Variants in NYNRIN observed in about 807,000 individuals in gnomAD.
The protein encoded by NYNRIN is NYN domain and retroviral integrase containing.
In NYNRIN, 86 loss-of-function variants were observed where a neutral mutation model predicts 146.6. The observed-to-expected ratio is 0.59, with a 90% CI of 0.49 to 0.70. The LOEUF (loss-of-function observed/expected upper bound fraction) is 0.70, where lower values mean the gene tolerates loss of function less well. Among genes scored for constraint, NYNRIN ranks in the 30% least tolerant of loss-of-function variants. The pLI is 0.00. For missense variants in NYNRIN, 2,191 were observed against 2,377.7 expected (o/e 0.92, Z 1.63); for synonymous variants, 1,027 against 1,001.3 (o/e 1.03, Z -0.48).
chr14:24,418,096 CA>C lies in NYNRIN; in HGVS notation c.*651del, dbSNP rs201911127. ...CAGTGTCTTGGAGTGGGAGGATGGC[CA>C]GCCACAAGCCACCAGCTTGTCAGCA... On this transcript the variant is annotated 3_prime_UTR_variant, in exon 9 of 9. Coordinates refer to ENST00000382554, the MANE Select transcript of NYNRIN (RefSeq NM_025081.3). The C allele has an allele frequency of 0.11, 40,309 of 364,734 alleles. 2,510 individuals are homozygous for C. Among genetic ancestry groups the C allele is most frequent in the Non-Finnish European group, 0.13 (24,463 of 184,284 alleles). 22.6% of individuals were successfully genotyped at this position (364,734 alleles called of 1,614,324 possible).
At chr14:24,399,538 C>T in intron 2 of NYNRIN, 94 bp downstream of exon 2, 1 of 1,125,878 alleles carries the variant, frequency 8.9e-7, no homozygotes, top group East Asian at 2.6e-5. Flanking sequence ...AGACACCACC[C>T]ACCCTGCCCC....
intron 2 of NYNRIN, among the ~76,000 whole-genome samples, chr14:24,399,909 T>A (rs1371005305): frequency 6.6e-6 from 1 of 152,154 alleles, no homozygotes; most frequent in Non-Finnish European, 1.5e-5. Context: ...GGCTGCCCCT[T>A]GGAGCCTCTG....
chr14:24,402,690 A>G (rs2042852147), intron 2 of NYNRIN, among the ~76,000 whole-genome samples: 1 of 152,196 alleles, frequency 6.6e-6, no homozygotes, highest in Non-Finnish European at 1.5e-5. Context: ...TATGCCACAG[A>G]AATTGGCAAA....
chr14:24,401,952 A>T (rs994857349), intron 2 of NYNRIN, among the ~76,000 whole-genome samples: 3 of 152,206 alleles, frequency 2.0e-5, no homozygotes, highest in Non-Finnish European at 2.9e-5. Context: ...GGGACACAGA[A>T]TCATGCACTT....
At position 24,409,739 on chromosome 14, in the gene NYNRIN, C is replaced by T; in HGVS notation, c.1945C>T (p.Pro649Ser). ...CAAAACACCCAAAGCTCAAGCCGGG[C>T]CTGCAGCTACAGTTTCCAAAGCACC... Reference protein sequence around the residue: ...GPKTPKAQAGPAATVSKAPAA... With the variant: ...GPKTPKAQAGSAATVSKAPAA... Residue 649 changes from proline to serine, a missense_variant, in exon 4 of 9, where the codon CCT becomes TCT. Pro to Ser is a moderately conservative substitution (Grantham distance 74, BLOSUM62 -1). Around this residue, in one of 3 missense-constraint regions of NYNRIN, gnomAD observed 895 missense variants for 941.2 expected, o/e 0.95. Transcript: ENST00000382554. 6.2e-7 allele frequency: 1 copy of T among 1,604,950 alleles called. No individual in the cohort carries two copies. The highest frequency in any genetic ancestry group is 8.5e-7 in the Non-Finnish European group (1 of 1,177,652).
chr14:24,406,983 T>TG (rs2042878811), intron 2 of NYNRIN, among the ~76,000 whole-genome samples: 1 of 152,236 alleles, frequency 6.6e-6, no homozygotes, highest in South Asian at 2.1e-4. Context: ...ATTGTGTGTA[T>TG]GTGCGGGTGC....
Position 24,409,646 on chromosome 14 carries a change from G to T in NYNRIN, c.1852G>T (p.Glu618Ter), listed in dbSNP as rs1372964984. 6 of 1,606,886 alleles carry T rather than the reference G, an allele frequency of 3.7e-6. No homozygotes were observed. The highest frequency in any genetic ancestry group is 5.1e-6 in the Non-Finnish European group (6 of 1,176,664). The stretch of plus-strand genomic sequence containing the variant: ...TCAACCAGTGTTGGTAGCTCAAGTG[G>T]AACCCACAACTCCAAAAACTCCCCA... ...VNQPVLVAQV[E>*]PTTPKTPQAQ... The change falls in exon 4 of 9, where the codon GAA becomes TAA. Residue 618 changes from glutamate (E) to a stop codon, truncating the protein, a stop_gained. Transcript: ENST00000382554. LOFTEE classifies it high-confidence loss of function.
rs1248551237 is a variant in NYNRIN at position 24,414,912 on chromosome 14, G to A, written c.3163G>A (p.Asp1055Asn). The A allele has an allele frequency of 1.9e-6, 3 of 1,603,614 alleles. No individual in the cohort carries two copies. The South Asian group carries it at 3.3e-5, about 18-fold the overall frequency. ...HDPPDGALDI[D>N]LLPGAASPYL... is the part of the protein sequence containing the mutation. The stretch of plus-strand genomic sequence containing the variant: ...TCCCCCTGATGGGGCCCTGGACATC[G>A]ACCTCCTGCCAGGGGCAGCTTCTCC... Residue 1055 changes from aspartate (D) to asparagine (N), a missense_variant, in exon 9 of 9, where the codon GAC becomes AAC. Asp to Asn is a conservative substitution (Grantham distance 23). This residue lies in a region of NYNRIN where 1,291 missense variants were observed against 1,417.0 expected (regional missense o/e 0.91). Transcript: ENST00000382554.
At position 24,408,110 on chromosome 14, in the gene NYNRIN, C is replaced by T. The variant is rs1287476104; in HGVS notation, c.440C>T (p.Pro147Leu). The change falls in exon 3 of 9, where the codon CCT becomes CTT. Residue 147 changes from proline (P) to leucine (L), a missense_variant. Transcript: ENST00000382554. ...LVGRLRWGPA[P>L]LLTPRGIWEA... Reference sequence around the variant, plus strand: ...GGGCGACTGCGCTGGGGCCCTGCCCCTCTGCTGACCCCCCGGGGGATCTGG... The same window carrying T: ...GGGCGACTGCGCTGGGGCCCTGCCCTTCTGCTGACCCCCCGGGGGATCTGG... 1 of 1,611,850 alleles carries T rather than the reference C, an allele frequency of 6.2e-7. No individual in the cohort carries two copies. Among genetic ancestry groups the T allele is most frequent in the African/African-American group, 1.3e-5 (1 of 75,054 alleles).
Position 24,413,354 on chromosome 14 carries a change from T to G in NYNRIN, c.2783T>G (p.Val928Gly). Residue 928 changes from valine to glycine, a missense_variant, in exon 8 of 9, where the codon GTG becomes GGG. By Grantham distance (109) the Val-to-Gly change is moderately radical (BLOSUM62 -3). Around this residue, in one of 3 missense-constraint regions of NYNRIN, gnomAD observed 1,291 missense variants for 1,417.0 expected, o/e 0.91. Coordinates refer to ENST00000382554, the MANE Select transcript of NYNRIN (RefSeq NM_025081.3). The stretch of plus-strand genomic sequence containing the variant: ...ACCTTTGCGGGGAATCTCTTCATGG[T>G]GCCTGATGACCCCCTGGGCCGTGAT... ...PFTFAGNLFMVPDDPLGRDGP... is the reference protein window; with the variant it reads ...PFTFAGNLFMGPDDPLGRDGP... 6.2e-7 allele frequency: 1 copy of G among 1,613,602 alleles called. No homozygotes were observed.
intron 2 of NYNRIN, among the ~76,000 whole-genome samples, chr14:24,406,712 G>T (rs1328237156): frequency 6.6e-6 from 1 of 152,210 alleles, no homozygotes; most frequent in Non-Finnish European, 1.5e-5. Context: ...ACTGCCAGGG[G>T]AAAGCAGGAA....
Position 24,418,016 on chromosome 14 carries a change from G to A in NYNRIN, c.*570G>A, listed in dbSNP as rs1227678115. On this transcript the variant is annotated 3_prime_UTR_variant, in exon 9 of 9. Coordinates refer to ENST00000382554, the MANE Select transcript of NYNRIN (RefSeq NM_025081.3). ...CTCACGGTCAGCTTTCTCAAGCCAG[G>A]TGTGGCCTGCACAGCTCTCAGGGCA... 2 of 301,146 alleles carry A rather than the reference G, an allele frequency of 6.6e-6. No individual in the cohort carries two copies. Among genetic ancestry groups the A allele is most frequent in the Non-Finnish European group, 1.3e-5 (2 of 154,466 alleles). The allele number at this position is 301,146 out of a possible 1,614,324, so 18.7% of individuals were successfully genotyped here.
intron 2 of NYNRIN, among the ~76,000 whole-genome samples, chr14:24,400,372 CT>C (rs2042834168): frequency 6.6e-6 from 1 of 152,334 alleles, no homozygotes; most frequent in Non-Finnish European, 1.5e-5. Flanking sequence ...TATCTTACTT[CT>C]TCTTTGTAGG....
chr14:24,399,175 C>A lies in NYNRIN; in HGVS notation c.-17-55C>A. The A allele has an allele frequency of 5.5e-6, 8 of 1,448,680 alleles. No individual in the cohort carries two copies. In the South Asian group the frequency reaches 8.5e-5, roughly 15 times the overall value. 89.7% of individuals were successfully genotyped at this position (1,448,680 alleles called of 1,614,324 possible). On this transcript the variant is annotated intron_variant, in intron 1 of 8. Coordinates refer to ENST00000382554, the MANE Select transcript of NYNRIN (RefSeq NM_025081.3). ...TGGCTTAGGCGCCTGGGGCTGGGGG[C>A]TGGGGCGCCTGCCGCCCCGAGACCC...
Position 24,408,936 on chromosome 14 carries a change from G to T in NYNRIN, c.1142G>T (p.Trp381Leu). 6.2e-7 allele frequency: 1 copy of T among 1,614,012 alleles called. No homozygotes were observed. Among genetic ancestry groups the T allele is most frequent in the Non-Finnish European group, 8.5e-7 (1 of 1,179,896 alleles). Reference protein sequence around the residue: ...INELHSLHLAWLLSQACFNFP... With the variant: ...INELHSLHLALLLSQACFNFP... ...GAGCTGCATTCTCTACATCTGGCCTGGCTCCTGTCCCAGGCGTGCTTCAAT... is the reference window on the plus strand; with the variant it reads ...GAGCTGCATTCTCTACATCTGGCCTTGCTCCTGTCCCAGGCGTGCTTCAAT... Residue 381 changes from tryptophan to leucine, a missense_variant, in exon 4 of 9, where the codon TGG (tryptophan) becomes TTG (leucine). This residue lies in a region of NYNRIN where 895 missense variants were observed against 941.2 expected (regional missense o/e 0.95). Coordinates refer to ENST00000382554, the MANE Select transcript of NYNRIN (RefSeq NM_025081.3).
Position 24,415,876 on chromosome 14 carries a change from C to T in NYNRIN, c.4127C>T (p.Thr1376Ile), listed in dbSNP as rs1174897194. 1.2e-6 allele frequency: 2 copies of T among 1,613,892 alleles called. No individual in the cohort carries two copies. Among genetic ancestry groups the T allele is most frequent in the Admixed American group, 1.7e-5 (1 of 60,010 alleles). ...TCCCCACTCCCAGTGGTTTTCCTCA[C>T]TCACTGCAACTGGATCTTCAGCCTC... ...GQSPLPVVFL[T>I]HCNWIFSLLW... Residue 1376 changes from threonine to isoleucine, a missense_variant, in exon 9 of 9, where the codon ACT (threonine) becomes ATT (isoleucine). Coordinates refer to ENST00000382554, the MANE Select transcript of NYNRIN (RefSeq NM_025081.3).
Position 24,399,313 on chromosome 14 carries a change from C to A in NYNRIN, c.67C>A (p.Arg23=), listed in dbSNP as rs761681073. Residue 23 remains arginine (R), a synonymous_variant, in exon 2 of 9, where the codon CGG becomes AGG. Coordinates refer to ENST00000382554, the MANE Select transcript of NYNRIN (RefSeq NM_025081.3). ...WFMVQTKSKP[R]VQRQRLQVQR... Reference sequence around the variant, plus strand: ...CATGGTGCAGACAAAATCGAAGCCTCGGGTGCAGCGGCAGCGGCTGCAAGT... The same window carrying A: ...CATGGTGCAGACAAAATCGAAGCCTAGGGTGCAGCGGCAGCGGCTGCAAGT... 2 of 1,613,952 alleles carry A rather than the reference C, an allele frequency of 1.2e-6. No individual in the cohort carries two copies. Among genetic ancestry groups the A allele is most frequent in the South Asian group, 1.1e-5 (1 of 91,080 alleles).
Position 24,409,520 on chromosome 14 carries a change from A to C in NYNRIN, c.1726A>C (p.Met576Leu). 1 of 1,613,252 alleles carries C rather than the reference A, an allele frequency of 6.2e-7. No individual in the cohort carries two copies. Among genetic ancestry groups the C allele is most frequent in the Non-Finnish European group, 8.5e-7 (1 of 1,179,584 alleles). Residue 576 changes from methionine to leucine, a missense_variant, in exon 4 of 9, where the codon ATG becomes CTG. By Grantham distance (15) the Met-to-Leu change is conservative. This residue lies in a region of NYNRIN where 895 missense variants were observed against 941.2 expected (regional missense o/e 0.95). Coordinates refer to ENST00000382554, the MANE Select transcript of NYNRIN (RefSeq NM_025081.3). ...AAPKLPTSRM[M>L]LAVHTEPAAP... Reference sequence around the variant, plus strand: ...TCCCAAACTGCCTACATCTCGAATGATGCTGGCAGTGCACACAGAGCCTGC... The same window carrying C: ...TCCCAAACTGCCTACATCTCGAATGCTGCTGGCAGTGCACACAGAGCCTGC...
At position 24,408,917 on chromosome 14, in the gene NYNRIN, C is replaced by A; in HGVS notation, c.1123C>A (p.His375Asn). ...AACCTTCTGGAGGATCAATGAGCTGCATTCTCTACATCTGGCCTGGCTCCT... is the reference window on the plus strand; with the variant it reads ...AACCTTCTGGAGGATCAATGAGCTGAATTCTCTACATCTGGCCTGGCTCCT... The part of the protein sequence containing the change: ...AATFWRINEL[H>N]SLHLAWLLSQ... The change falls in exon 4 of 9, where the codon CAT becomes AAT. Residue 375 changes from histidine (H) to asparagine (N), a missense_variant. Coordinates refer to ENST00000382554, the MANE Select transcript of NYNRIN (RefSeq NM_025081.3). 6.2e-7 allele frequency: 1 copy of A among 1,614,036 alleles called. No individual in the cohort carries two copies. Among genetic ancestry groups the A allele is most frequent in the Non-Finnish European group, 8.5e-7 (1 of 1,179,896 alleles).
Sources: allele counts gnomAD v4.1 joint callset (sites outside exome capture counted in the v4.1 genomes callset), GRCh38; gene constraint gnomAD v4.1.1; regional missense constraint gnomAD v4.1.1; transcripts MANE v1.5; gene names NCBI Gene and HGNC (gene_info 2026-07-23, HGNC 2026-07-21).